Variants in DNAH3 observed in about 807,000 individuals in gnomAD.
DNAH3 encodes the protein axonemal beta dynein heavy chain 3.
Under a neutral mutation model 432.5 loss-of-function variants are expected in DNAH3, and 332 were observed. The observed-to-expected ratio is 0.77, with a 90% CI of 0.70 to 0.84. The LOEUF is 0.84. Ranked by LOEUF, DNAH3 falls within the 40% of genes least tolerant of loss-of-function variation. The probability of loss-of-function intolerance (pLI) is 0.00; values close to 1 mark genes in which losing one functional copy is unlikely to be tolerated. For synonymous variants in DNAH3, 1,956 were observed against 1,900.2 expected, an observed-to-expected ratio of 1.03 and a Z score of -0.76; for missense variants, 4,861 against 5,114.0, an observed-to-expected ratio of 0.95 and a Z score of 1.51.
intron 43 of DNAH3, among the ~76,000 whole-genome samples, chr16:20,998,607 C>A (rs1474695701): frequency 6.6e-6 from 1 of 151,840 alleles, no homozygotes; most frequent in Non-Finnish European, 1.5e-5. Flanking sequence ...TTAAGACTTC[C>A]CGAAGGGCAG....
intron 41 of DNAH3, among the ~76,000 whole-genome samples, chr16:21,004,080 G>A (rs1413833063): frequency 6.6e-6 from 1 of 152,154 alleles, no homozygotes; most frequent in Non-Finnish European, 1.5e-5. Flanking sequence ...TACAGTTTTT[G>A]TCACTACAAG....
In DNAH3 at chr16:21,013,648, G is replaced by A. The variant is rs538405942; in HGVS notation, c.6022+5976C>T. ...GCAGAAGAATTGCTTGAACCTGGGA[G>A]GAGGAGGTTACGATGAGCCAAGATC... On this transcript the variant is annotated intron_variant, in intron 41 of 61. Coordinates refer to ENST00000261383, the Ensembl canonical transcript of DNAH3. Among the ~76,000 whole-genome samples, 28 of 150,046 alleles carry A rather than the reference G, an allele frequency of 1.9e-4. No individual in the cohort carries two copies. In the East Asian group the frequency reaches 4.7e-3, roughly 25 times the overall value.
At chr16:21,001,595 G>C (rs939958260) in intron 42 of DNAH3, among the ~76,000 whole-genome samples, 1 of 152,166 alleles carries the variant, frequency 6.6e-6, no homozygotes, top group Non-Finnish European at 1.5e-5. Context: ...GATGAGACAA[G>C]GGAATTAAAG....
chr16:21,125,102 GAC>G, intron 9 of DNAH3, 71 bp downstream of exon 10: 6 of 1,305,388 alleles, frequency 4.6e-6, no homozygotes, highest in Non-Finnish European at 6.3e-6. Context: ...GGACGTACAT[GAC>G]AGAGTCCTGG....
At chr16:21,059,040 A>G (rs2090243739) in intron 26 of DNAH3, among the ~76,000 whole-genome samples, 1 of 152,224 alleles carries the variant, frequency 6.6e-6, no homozygotes, top group South Asian at 2.1e-4. Context: ...AAAAAGAAAT[A>G]CAGCCATGCC....
At chr16:20,952,969 T>C (rs2084382844) in intron 55 of DNAH3, among the ~76,000 whole-genome samples, 1 of 152,124 alleles carries the variant, frequency 6.6e-6, no homozygotes, top group Admixed American at 6.6e-5. Flanking sequence ...AAAAACTGAA[T>C]GGCCAGCCTT....
chr16:20,947,652 C>T (rs2084110021), intron 57 of DNAH3, among the ~76,000 whole-genome samples: 3 of 152,148 alleles, frequency 2.0e-5, no homozygotes, highest in Admixed American at 1.3e-4. Context: ...AACCTCCACA[C>T]ATTTGGTCAC....
rs1462691515 is a variant in DNAH3, at chr16:20,963,929, G to A, written c.9955C>T (p.Gln3319Ter). Reference sequence around the variant, plus strand: ...TTTATGAACCAAGTCAGGGAGTACTGGTACATCGGCTCGATGTTGGCCAGG... The same window carrying A: ...TTTATGAACCAAGTCAGGGAGTACTAGTACATCGGCTCGATGTTGGCCAGG... The change falls in exon 53 of 62, where the codon CAG (glutamine) becomes TAG (stop). Residue 3319 changes from glutamine to a stop codon, truncating the protein, a stop_gained. Transcript: ENST00000261383. LOFTEE classifies it high-confidence loss of function. 6.2e-7 allele frequency: 1 copy of A among 1,614,136 alleles called. No individual in the cohort carries two copies. The highest frequency in any genetic ancestry group is 8.5e-7 in the Non-Finnish European group (1 of 1,180,030).
Position 21,042,223 on chromosome 16 carries a change from C to A in DNAH3, c.4462-20G>T. On this transcript the variant is annotated intron_variant, in intron 31 of 61. Coordinates refer to ENST00000261383, the Ensembl canonical transcript of DNAH3. Reference sequence around the variant, plus strand: ...TTCTACCTGGGGTGAGAATGCCCGGCTGATAAGAGCATCTGCTTCTGTCTG... The same window carrying A: ...TTCTACCTGGGGTGAGAATGCCCGGATGATAAGAGCATCTGCTTCTGTCTG... 1 of 1,568,796 alleles carries A rather than the reference C, an allele frequency of 6.4e-7. No individual in the cohort carries two copies. The highest frequency in any genetic ancestry group is 1.2e-5 in the South Asian group (1 of 83,224).
intron 16 of DNAH3, chr16:21,104,099 T>C (rs1161521736): frequency 1.1e-5 from 2 of 184,846 alleles, no homozygotes; most frequent in Admixed American, 1.1e-4. Context: ...GCCATGCCTT[T>C]ATTATCTTGA....
exon 59 of DNAH3, chr16:20,941,438 T>A: frequency 6.2e-7 from 1 of 1,614,126 alleles, no homozygotes; most frequent in Non-Finnish European, 8.5e-7. Flanking sequence ...AGGACGGTAT[T>A]CATGGATTCT....
At chr16:21,115,174 T>C (rs1338423845) in intron 12 of DNAH3, among the ~76,000 whole-genome samples, 1 of 151,494 alleles carries the variant, frequency 6.6e-6, no homozygotes, top group African/African-American at 2.4e-5. Flanking sequence ...TTCTCACTCA[T>C]AGATGGGAAT....
chr16:21,005,622 G>C (rs942926452), intron 41 of DNAH3, among the ~76,000 whole-genome samples: 1 of 151,232 alleles, frequency 6.6e-6, no homozygotes. Flanking sequence ...CAAGCAATCT[G>C]CCTGCCTTGG....
chr16:21,085,668 C>T (rs1283771717), intron 19 of DNAH3, among the ~76,000 whole-genome samples: 2 of 150,526 alleles, frequency 1.3e-5, no homozygotes, highest in Middle Eastern at 3.4e-3. Context: ...TACAAAAAGA[C>T]CCTGACTCTC....
intron 51 of DNAH3, among the ~76,000 whole-genome samples, chr16:20,974,268 G>A (rs753725216): frequency 3.6e-4 from 55 of 151,922 alleles, no homozygotes; most frequent in Non-Finnish European, 6.6e-4. Flanking sequence ...TGAACTCCAG[G>A]ACTCAAGCAA....
intron 48 of DNAH3, among the ~76,000 whole-genome samples, chr16:20,983,145 A>C (rs1478257085): frequency 6.6e-6 from 1 of 152,162 alleles, no homozygotes; most frequent in African/African-American, 2.4e-5. Flanking sequence ...TTTTTTATTA[A>C]GACAGATTCT....
intron 11 of DNAH3, among the ~76,000 whole-genome samples, chr16:21,118,187 C>T (rs1003224044): frequency 6.6e-6 from 1 of 152,000 alleles, no homozygotes; most frequent in African/African-American, 2.4e-5. Flanking sequence ...AGAGCTTCAC[C>T]ATGTTGGCCA....
chr16:20,964,845 T>C (rs1388075951), exon 53 of DNAH3: 1 of 1,614,150 alleles, frequency 6.2e-7, no homozygotes, highest in South Asian at 1.1e-5. Flanking sequence ...GATAATCCAC[T>C]GTAAAAGCGC....
chr16:20,984,489 C>T (rs1002557749), intron 48 of DNAH3, among the ~76,000 whole-genome samples: 4 of 152,068 alleles, frequency 2.6e-5, no homozygotes, highest in Admixed American at 6.5e-5. Flanking sequence ...TTGGAAATGT[C>T]GTTCACAGAG....
Sources: allele counts gnomAD v4.1 joint callset (sites outside exome capture counted in the v4.1 genomes callset), GRCh38; gene constraint gnomAD v4.1.1; transcripts MANE v1.5; gene names NCBI Gene and HGNC (gene_info 2026-07-23, HGNC 2026-07-21).